PHGDH: variants seen among roughly 807,000 people sequenced by gnomAD.
PHGDH encodes D-3-phosphoglycerate dehydrogenase.
In PHGDH, 50 loss-of-function variants were observed where a neutral mutation model predicts 52.6. The observed-to-expected ratio is 0.95, with a 90% CI of 0.76 to 1.20. The LOEUF is 1.20. Ranked by LOEUF, PHGDH falls within the 50% of genes most tolerant of loss-of-function variation. PHGDH has a pLI of 0.00. For missense variants in PHGDH, 630 were observed against 684.6 expected (o/e 0.92, Z 0.89); for synonymous variants, 271 against 280.5 (o/e 0.97, Z 0.34).
intron 2 of PHGDH, 39 bp from the exon 3 acceptor site, chr1:119,723,331 ACTGGGT>A: frequency 6.9e-7 from 1 of 1,443,224 alleles, no homozygotes; most frequent in South Asian, 1.1e-5. Context: ...GAGTGGGAAT[ACTGGGT>A]CTGTGCCCAT....
At chr1:119,743,859 C>T in intron 11 of PHGDH, 27 bp from the exon 12 acceptor site, 1 of 1,601,424 alleles carries the variant, frequency 6.2e-7, no homozygotes, top group Non-Finnish European at 8.6e-7. Context: ...ATCCCCTGTG[C>T]CAACCAGGAG....
In PHGDH at chr1:119,744,208, A is replaced by T; in HGVS notation, c.*168A>T. 2 of 689,080 alleles carry T rather than the reference A, an allele frequency of 2.9e-6. No individual in the cohort carries two copies. The highest frequency in any genetic ancestry group is 5.2e-6 in the Non-Finnish European group (2 of 384,890). 42.7% of individuals were successfully genotyped at this position (689,080 alleles called of 1,614,324 possible). On this transcript the variant is annotated 3_prime_UTR_variant, in exon 12 of 12. Coordinates refer to ENST00000641023, the MANE Select transcript of PHGDH (RefSeq NM_006623.4). ...GCAATAACCGTCTAATAAAGAGCCTACCCCCAACTCCTTCTGCACTTTTGT... is the reference window on the plus strand; with the variant it reads ...GCAATAACCGTCTAATAAAGAGCCTTCCCCCAACTCCTTCTGCACTTTTGT...
intron 1 of PHGDH, chr1:119,712,377 C>G: frequency 1.8e-6 from 1 of 559,150 alleles, no homozygotes; most frequent in Non-Finnish European, 3.3e-6. Flanking sequence ...AGTTTGCAAC[C>G]GCGTCTTTCA....
At chr1:119,741,624 T>G (rs757723265) in intron 9 of PHGDH, 143 bp from the exon 10 acceptor site, 8 of 769,242 alleles carry the variant, frequency 1.0e-5, no homozygotes, top group Middle Eastern at 2.3e-4. Flanking sequence ...GAAGGGCGAG[T>G]GGACCTGCCT....
At chr1:119,720,800 C>A in intron 1 of PHGDH, 1 of 354,716 alleles carries the variant, frequency 2.8e-6, no homozygotes, top group South Asian at 2.3e-5. Context: ...CAGAGAGGAA[C>A]AGGAGATGGC....
chr1:119,720,808 G>A (rs1651113904), intron 1 of PHGDH: 1 of 359,728 alleles, frequency 2.8e-6, no homozygotes, highest in African/African-American at 2.1e-5. Flanking sequence ...AACAGGAGAT[G>A]GCCCCTGACT....
chr1:119,717,032 C>T (rs1650963295), intron 1 of PHGDH, among the ~76,000 whole-genome samples: 1 of 151,870 alleles, frequency 6.6e-6, no homozygotes, highest in Admixed American at 6.6e-5. Flanking sequence ...TTCTTCTGTG[C>T]ATTGCCTATT....
At chr1:119,724,957 G>C (rs1441060363) in intron 3 of PHGDH, 1 of 426,426 alleles carries the variant, frequency 2.3e-6, no homozygotes, top group African/African-American at 2.9e-5. Context: ...CAGGGAGGAC[G>C]GTAGGAGAGT....
Position 119,740,401 on chromosome 1 carries a change from C to G in PHGDH, c.961C>G (p.Leu321Val). 2.5e-6 allele frequency: 4 copies of G among 1,614,142 alleles called. No homozygotes were observed. The highest frequency in any genetic ancestry group is 3.4e-6 in the Non-Finnish European group (4 of 1,180,016). ...TCCTCTGCAGGTGAATGCCCAGGCC[C>G]TTACCAGTGCCTTCTCTCCACACAC... ...SLTGVVNAQA[L>V]TSAFSPHTKP... Residue 321 changes from leucine (L) to valine (V), a missense_variant, in exon 9 of 12, where the codon CTT becomes GTT. Coordinates refer to ENST00000641023, the MANE Select transcript of PHGDH (RefSeq NM_006623.4).
At chr1:119,731,411 C>T (rs879907435) in intron 5 of PHGDH, among the ~76,000 whole-genome samples, 3 of 152,170 alleles carry the variant, frequency 2.0e-5, no homozygotes, top group African/African-American at 4.8e-5. Flanking sequence ...AATCAAGAAG[C>T]GAGCCTTGTG....
At chr1:119,740,179 AT>A in intron 8 of PHGDH, 1 of 590,830 alleles carries the variant, frequency 1.7e-6, no homozygotes, top group Non-Finnish European at 3.1e-6. Context: ...TTCTGTGTCC[AT>A]TTCTGGCTCC....
At position 119,725,766 on chromosome 1, in the gene PHGDH, C is replaced by T. The variant is rs1005633430; in HGVS notation, c.357-1085C>T. On this transcript the variant is annotated intron_variant, in intron 3 of 11. Transcript: ENST00000641023. The stretch of plus-strand genomic sequence containing the variant: ...ATTTCTCTTTTTGCACGCTCGCTCA[C>T]TCTGAGGTTTTTGGCATCAGGTTAA... Among the ~76,000 whole-genome samples the T allele has an allele frequency of 3.3e-5, 5 of 152,152 alleles. No individual in the cohort carries two copies. The South Asian group carries it at 1.0e-3, about 31-fold the overall frequency.
At chr1:119,712,225 C>T in intron 1 of PHGDH, 65 bp downstream of exon 1, 1 of 1,491,340 alleles carries the variant, frequency 6.7e-7, no homozygotes, top group South Asian at 1.2e-5. Flanking sequence ...CTGGCTGCGC[C>T]CAGGCCAGCG....
chr1:119,735,633 T>C (rs1245085477), intron 7 of PHGDH, among the ~76,000 whole-genome samples, 190 bp downstream of exon 7: 1 of 152,210 alleles, frequency 6.6e-6, no homozygotes, highest in Non-Finnish European at 1.5e-5. Context: ...GAGCCTGGTA[T>C]GGAGGCAGCT....
At position 119,737,101 on chromosome 1, in the gene PHGDH, T is replaced by C; in HGVS notation, c.793-13T>C. The C allele has an allele frequency of 6.2e-7, 1 of 1,613,790 alleles. No homozygotes were observed. The highest frequency in any genetic ancestry group is 8.5e-7 in the Non-Finnish European group (1 of 1,179,872). ...CCATGGCAGCCAACTTAGAGGTATC[T>C]CTTTCTGGGCAGGAGCCGCCACGGG... On this transcript the variant is annotated splice_polypyrimidine_tract_variant and intron_variant, in intron 7 of 11. Coordinates refer to ENST00000641023, the MANE Select transcript of PHGDH (RefSeq NM_006623.4).
rs374667813 is a variant in PHGDH, at chr1:119,718,596, G to C, written c.139-2574G>C. 3.3e-5 allele frequency among the ~76,000 whole-genome samples: 5 copies of C among 152,318 alleles called. No individual in the cohort carries two copies. In the East Asian group the frequency reaches 5.8e-4, roughly 18 times the overall value. Reference sequence around the variant, plus strand: ...CCAGTTCTTGGCTGGTTTTTGATCTGTAAGAGTGACCTTGGGCAGGTTACC... The same window carrying C: ...CCAGTTCTTGGCTGGTTTTTGATCTCTAAGAGTGACCTTGGGCAGGTTACC... On this transcript the variant is annotated intron_variant, in intron 1 of 11. Transcript: ENST00000641023.
chr1:119,743,133 C>T, intron 11 of PHGDH, 89 bp downstream of exon 11: 1 of 855,126 alleles, frequency 1.2e-6, no homozygotes, highest in Non-Finnish European at 2.1e-6. Context: ...TTCCTTTAGC[C>T]CCTCTTCATG....
intron 1 of PHGDH, among the ~76,000 whole-genome samples, chr1:119,714,857 C>T (rs1467071019): frequency 6.6e-6 from 1 of 152,198 alleles, no homozygotes; most frequent in African/African-American, 2.4e-5. Context: ...TTTGAGGCTG[C>T]AGTAAGCCAT....
chr1:119,727,262 C>A, intron 5 of PHGDH, 160 bp downstream of exon 5: 1 of 670,886 alleles, frequency 1.5e-6, no homozygotes, highest in Non-Finnish European at 2.7e-6. Context: ...GGAGAGAACA[C>A]TGGCCTGCTG....
Sources: gnomAD v4.1 joint callset for allele counts (sites outside exome capture counted in the v4.1 genomes callset) on GRCh38, gnomAD v4.1.1 for gene constraint, MANE v1.5 for transcripts, NCBI Gene and HGNC (gene_info 2026-07-23, HGNC 2026-07-21) for gene names.